The following PLEKHM3 variants were observed in gnomAD, a reference collection of about 807,000 sequenced individuals.
PLEKHM3 encodes the protein pleckstrin homology domain containing M3.
A neutral mutation model predicts 81.8 loss-of-function variants in PLEKHM3; 45 were observed. That is an observed-to-expected ratio of 0.55 (90% CI 0.43 to 0.71). The LOEUF (loss-of-function observed/expected upper bound fraction) is 0.71. PLEKHM3 is among the 30% of genes least tolerant of loss of function. PLEKHM3 has a pLI of 0.00. For missense variants in PLEKHM3, 788 were observed against 924.3 expected, an observed-to-expected ratio of 0.85 and a Z score of 1.91; for synonymous variants, 352 against 356.4, an observed-to-expected ratio of 0.99 and a Z score of 0.14.
chr2:207,943,261 G>A (rs1426946993), intron 4 of PLEKHM3, among the ~76,000 whole-genome samples: 1 of 152,148 alleles, frequency 6.6e-6, no homozygotes, highest in Non-Finnish European at 1.5e-5. Flanking sequence ...CACATAGTAT[G>A]TATGTATCAA....
intron 6 of PLEKHM3, among the ~76,000 whole-genome samples, chr2:207,893,390 C>G (rs1023931): frequency 0.28 from 43,199 of 152,084 alleles, 6,578 homozygotes; most frequent in Middle Eastern, 0.41. Flanking sequence ...GAGTGGTCAA[C>G]AATTTGTTAA....
intron 3 of PLEKHM3, among the ~76,000 whole-genome samples, chr2:207,974,212 G>T (rs991238681): frequency 6.6e-6 from 1 of 152,142 alleles, no homozygotes; most frequent in African/African-American, 2.4e-5. Context: ...TACGTTTCCT[G>T]TTCTTTTCTA....
intron 6 of PLEKHM3, among the ~76,000 whole-genome samples, chr2:207,893,339 G>C (rs1054416104): frequency 6.6e-6 from 1 of 152,176 alleles, no homozygotes; most frequent in Admixed American, 6.5e-5. Flanking sequence ...GGGGAGCAGG[G>C]GAGGGCTGCT....
chr2:208,014,099 C>T (rs1347461634), intron 1 of PLEKHM3, among the ~76,000 whole-genome samples: 6 of 152,184 alleles, frequency 3.9e-5, no homozygotes, highest in South Asian at 2.1e-4. Context: ...TATGACCTCT[C>T]CCTCCCTTTT....
intron 1 of PLEKHM3, among the ~76,000 whole-genome samples, chr2:208,006,787 A>C (rs1461977826): frequency 1.3e-5 from 2 of 152,228 alleles, no homozygotes; most frequent in Non-Finnish European, 2.9e-5. Context: ...ATATTTGTAT[A>C]GAATGCCCTT....
chr2:207,989,943 G>T (rs1038648425), intron 2 of PLEKHM3, among the ~76,000 whole-genome samples: 1 of 152,188 alleles, frequency 6.6e-6, no homozygotes, highest in Admixed American at 6.5e-5. Context: ...GAGCAGATCT[G>T]GGGGAGCGGA....
chr2:207,978,387 C>A (rs952024416), intron 2 of PLEKHM3, among the ~76,000 whole-genome samples: 23 of 150,142 alleles, frequency 1.5e-4, no homozygotes, highest in African/African-American at 5.4e-4. Context: ...TTTGCACCAA[C>A]CTAACAGTAC....
At chr2:207,964,073 G>C (rs553913756) in intron 3 of PLEKHM3, among the ~76,000 whole-genome samples, 3 of 151,962 alleles carry the variant, frequency 2.0e-5, no homozygotes, top group Non-Finnish European at 2.9e-5. Context: ...TTAGCCAGGC[G>C]TGGTGGCACA....
intron 6 of PLEKHM3, among the ~76,000 whole-genome samples, chr2:207,907,505 A>G (rs1358221637): frequency 6.6e-6 from 1 of 152,166 alleles, no homozygotes; most frequent in Admixed American, 6.5e-5. Flanking sequence ...CTGTCTCACA[A>G]ACGAAAGGAA....
chr2:207,834,342 T>C (rs10168267), intron 7 of PLEKHM3, among the ~76,000 whole-genome samples: 100,062 of 150,852 alleles, frequency 0.66, 33,662 homozygotes, highest in African/African-American at 0.76. Context: ...GTGGGTCAGG[T>C]TGGTCTCAAA....
chr2:207,843,032 C>T lies in PLEKHM3; in HGVS notation c.2109-14536G>A, dbSNP rs548533313. ...TGTGATCACGGCTCACTGCAACCTC[C>T]GCCTCCTAGGCTCAAGCGATCTTCC... On this transcript the variant is annotated intron_variant, in intron 7 of 7. Coordinates refer to ENST00000427836, the MANE Select transcript of PLEKHM3 (RefSeq NM_001080475.3). This position sits in a 1 kb window ranked among gnomAD's most constrained non-coding sequence, Gnocchi z 4.4. Among the ~76,000 whole-genome samples, 387 of 152,286 alleles carry T rather than the reference C, an allele frequency of 2.5e-3. 2 individuals carry two copies. Among genetic ancestry groups the T allele is most frequent in the African/African-American group, 8.7e-3 (361 of 41,540 alleles).
chr2:207,918,116 T>G (rs73983635), intron 5 of PLEKHM3, among the ~76,000 whole-genome samples: 3,162 of 152,318 alleles, frequency 0.021, 104 homozygotes, highest in African/African-American at 0.072. Flanking sequence ...CATGTAGGTA[T>G]GCCCACACAT....
Position 208,001,732 on chromosome 2 carries a change from G to C in PLEKHM3, c.-93C>G, listed in dbSNP as rs1464880679. On this transcript the variant is annotated 5_prime_UTR_variant, in exon 2 of 8. Coordinates refer to ENST00000427836, the MANE Select transcript of PLEKHM3 (RefSeq NM_001080475.3). The stretch of plus-strand genomic sequence containing the variant: ...AACCAAGAGGGGTGCTTCAGCAATA[G>C]AGCTATGGAAACAACTGGAAGAAAC... The C allele has an allele frequency of 2.0e-6, 3 of 1,512,394 alleles. No homozygotes were observed. The highest frequency in any genetic ancestry group is 1.8e-6 in the Non-Finnish European group (2 of 1,138,520). The allele number at this position is 1,512,394 out of a possible 1,614,324, so 93.7% of individuals were successfully genotyped here. A position where few individuals can be genotyped will look rare whatever the true frequency, so the allele number is the denominator to read the frequency against.
At position 207,822,210 on chromosome 2, in the gene PLEKHM3, T is replaced by C. The variant is rs1054710340; in HGVS notation, c.*6109A>G. 4.6e-5 allele frequency: 7 copies of C among 152,436 alleles called. No individual in the cohort carries two copies. The highest frequency in any genetic ancestry group is 1.7e-4 in the African/African-American group (7 of 41,470). The allele number at this position is 152,436 out of a possible 1,614,324, so 9.4% of individuals were successfully genotyped here. A position where few individuals can be genotyped will look rare whatever the true frequency, so the allele number is the denominator to read the frequency against. On this transcript the variant is annotated 3_prime_UTR_variant, in exon 8 of 8. Transcript: ENST00000427836. Reference sequence around the variant, plus strand: ...CAGTGGACACACAAAGCTAATTTGATAGCTCACGCCAAACAAAGAGACATT... The same window carrying C: ...CAGTGGACACACAAAGCTAATTTGACAGCTCACGCCAAACAAAGAGACATT...
At chr2:207,896,967 G>T (rs114634229) in intron 6 of PLEKHM3, among the ~76,000 whole-genome samples, 3 of 152,300 alleles carry the variant, frequency 2.0e-5, no homozygotes, top group African/African-American at 7.2e-5. Context: ...AAAAGGTCAT[G>T]CATTCTTGCA....
At chr2:207,916,365 C>T (rs1158794375) in intron 5 of PLEKHM3, among the ~76,000 whole-genome samples, 1 of 152,162 alleles carries the variant, frequency 6.6e-6, no homozygotes, top group Admixed American at 6.5e-5. Flanking sequence ...ATATACCTAG[C>T]TCAAATTCTT....
rs189171735 is a variant in PLEKHM3 at position 207,999,230 on chromosome 2, C to G, written c.610+1800G>C. ...ACCTCAAATGATCCGCCTGCCTCAG[C>G]CTCCCAAAGTGCTGGGATTACAGGC... On this transcript the variant is annotated intron_variant, in intron 2 of 7. Transcript: ENST00000427836. 5.9e-3 allele frequency among the ~76,000 whole-genome samples: 893 copies of G among 152,188 alleles called. 9 individuals carry two copies. The highest frequency in any genetic ancestry group is 0.02 in the African/African-American group (839 of 41,532).
Position 207,866,650 on chromosome 2 carries a change from G to C in PLEKHM3, c.1951-5388C>G, listed in dbSNP as rs149703782. ...TATTTCTTAACATGTACCTCCTGTTGTGAGCAAATTTTCCCCTATGTAGAA... is the reference window on the plus strand; with the variant it reads ...TATTTCTTAACATGTACCTCCTGTTCTGAGCAAATTTTCCCCTATGTAGAA... On this transcript the variant is annotated intron_variant, in intron 6 of 7. Transcript: ENST00000427836. 7.7e-3 allele frequency among the ~76,000 whole-genome samples: 1,168 copies of C among 152,272 alleles called. 9 individuals carry two copies. Among genetic ancestry groups the C allele is most frequent in the Non-Finnish European group, 9.1e-3 (622 of 68,020 alleles).
At chr2:207,829,232 C>G (rs897704027) in intron 7 of PLEKHM3, among the ~76,000 whole-genome samples, 1 of 152,096 alleles carries the variant, frequency 6.6e-6, no homozygotes, top group Non-Finnish European at 1.5e-5. Flanking sequence ...TGGTGGAAGC[C>G]TGCACGGGAG....
Sources: gnomAD v4.1 joint callset for allele counts (sites outside exome capture counted in the v4.1 genomes callset) on GRCh38, gnomAD v4.1.1 for gene constraint, Gnocchi (gnomAD v3.1) non-coding constraint, MANE v1.5 for transcripts, NCBI Gene and HGNC (gene_info 2026-07-23, HGNC 2026-07-21) for gene names.